Variants in OR2T33 observed in about 807,000 individuals in gnomAD.
OR2T33 encodes the protein olfactory receptor 2T33.
OR2T33 carries 10 observed loss-of-function variants against 14.0 expected under a neutral mutation model. That is an observed-to-expected ratio of 0.72 (90% confidence interval 0.44 to 1.22). The LOEUF is 1.22. Among genes scored for constraint, OR2T33 ranks in the 50% most tolerant of loss-of-function variants. The pLI is 0.00. For missense variants in OR2T33, 276 were observed against 405.9 expected, an observed-to-expected ratio of 0.68 and a Z score of 2.75; for synonymous variants, 103 against 159.4, an observed-to-expected ratio of 0.65 and a Z score of 2.66.
In OR2T33 at chr1:248,271,099, G is replaced by A. The variant is rs1251055176; in HGVS notation, c.*1753C>T. The A allele has an allele frequency of 6.6e-6, 1 of 152,078 alleles. No individual in the cohort carries two copies. Among genetic ancestry groups the A allele is most frequent in the Non-Finnish European group, 1.5e-5 (1 of 68,012 alleles). The allele number at this position is 152,078 out of a possible 1,614,324, so 9.4% of individuals were successfully genotyped here. On this transcript the variant is annotated 3_prime_UTR_variant, in exon 2 of 2. Coordinates refer to ENST00000641220, the MANE Select transcript of OR2T33 (RefSeq NM_001004695.2). ...ACATAAAGATACCACCACTAGAAGG[G>A]TTAAAATTAAAAATATTCAAATGCC...
At chr1:248,274,344 T>G in intron 1 of OR2T33, among the ~76,000 whole-genome samples, 1 of 152,178 alleles carries the variant, frequency 6.6e-6, no homozygotes, top group Admixed American at 6.5e-5. Flanking sequence ...AATATGTGAG[T>G]GTAAATAAAA....
rs1448581396 is a variant in OR2T33 at position 248,272,378 on chromosome 1, A to C, written c.*474T>G. On this transcript the variant is annotated 3_prime_UTR_variant, in exon 2 of 2. Transcript: ENST00000641220. Reference sequence around the variant, plus strand: ...GCATCTATATTTTAAAATATAACATAAAAATAATATTTTTCTTTGGTGGAG... The same window carrying C: ...GCATCTATATTTTAAAATATAACATCAAAATAATATTTTTCTTTGGTGGAG... 1 of 153,358 alleles carries C rather than the reference A, an allele frequency of 6.5e-6. No homozygotes were observed. Among genetic ancestry groups the C allele is most frequent in the Admixed American group, 6.5e-5 (1 of 15,472 alleles). 9.5% of individuals were successfully genotyped at this position (153,358 alleles called of 1,614,324 possible).
In OR2T33 at chr1:248,273,111, G is replaced by T. The variant is rs751414800; in HGVS notation, c.704C>A (p.Ala235Asp). 1.1e-5 allele frequency: 18 copies of T among 1,611,822 alleles called. No individual in the cohort carries two copies. Among genetic ancestry groups the T allele is most frequent in the East Asian group, 4.5e-5 (2 of 44,884 alleles). The change falls in exon 2 of 2, where the codon GCC (alanine) becomes GAC (aspartate). Residue 235 changes from alanine (A) to aspartate (D), a missense_variant. Coordinates refer to ENST00000641220, the MANE Select transcript of OR2T33 (RefSeq NM_001004695.2). ...HMRSTEARKKAFATCSSHVAV... is the reference protein window; with the variant it reads ...HMRSTEARKKDFATCSSHVAV... Reference sequence around the variant, plus strand: ...CACATGTGAAGAGCAGGTGGCAAAGGCCTTCTTGCGGGCTTCTGTAGAGCG... The same window carrying T: ...CACATGTGAAGAGCAGGTGGCAAAGTCCTTCTTGCGGGCTTCTGTAGAGCG...
intron 1 of OR2T33, among the ~76,000 whole-genome samples, chr1:248,274,129 C>T (rs1482683961): frequency 2.6e-5 from 4 of 151,966 alleles, no homozygotes; most frequent in Admixed American, 2.0e-4. Context: ...TTATATTACT[C>T]GTATTAATAT....
chr1:248,276,040 G>A (rs1659443114), intron 1 of OR2T33, among the ~76,000 whole-genome samples: 1 of 152,150 alleles, frequency 6.6e-6, no homozygotes, highest in Non-Finnish European at 1.5e-5. Context: ...GGGGGTTGTA[G>A]GAGAGGGGAT....
chr1:248,274,185 C>G (rs926929097), intron 1 of OR2T33, among the ~76,000 whole-genome samples: 9 of 152,120 alleles, frequency 5.9e-5, no homozygotes, highest in African/African-American at 1.7e-4. Context: ...GAAGGAAACA[C>G]TGACTTAAAA....
In OR2T33 at chr1:248,272,643, G is replaced by A. The variant is rs751378091; in HGVS notation, c.*209C>T. On this transcript the variant is annotated 3_prime_UTR_variant, in exon 2 of 2. Coordinates refer to ENST00000641220, the MANE Select transcript of OR2T33 (RefSeq NM_001004695.2). ...TCATGGGGTTGTTGTAGGATACAAA[G>A]TAATCCATAGATACTACTTCACTTG... is the stretch of plus-strand genomic sequence containing the variant. The A allele has an allele frequency of 1.5e-5, 9 of 613,818 alleles. No individual in the cohort carries two copies. In the African/African-American group the frequency reaches 1.5e-4, roughly 10 times the overall value. The allele number at this position is 613,818 out of a possible 1,614,324, so 38.0% of individuals were successfully genotyped here.
chr1:248,276,904 A>C (rs1659453709), intron 1 of OR2T33, among the ~76,000 whole-genome samples: 1 of 151,876 alleles, frequency 6.6e-6, no homozygotes, highest in Non-Finnish European at 1.5e-5. Flanking sequence ...GGCATTGTAA[A>C]TATACAGCTA....
chr1:248,273,836 G>A lies in OR2T33; in HGVS notation c.-8-14C>T, dbSNP rs1344845794. 7.5e-6 allele frequency: 12 copies of A among 1,589,540 alleles called. No individual in the cohort carries two copies. Among genetic ancestry groups the A allele is most frequent in the Non-Finnish European group, 1.0e-5 (12 of 1,167,596 alleles). On this transcript the variant is annotated splice_polypyrimidine_tract_variant and intron_variant, in intron 1 of 1. Coordinates refer to ENST00000641220, the MANE Select transcript of OR2T33 (RefSeq NM_001004695.2). The stretch of plus-strand genomic sequence containing the variant: ...CCATAATTTCCCCTGGTGTGATGGT[G>A]CAAATGGAAAAATAGAGAAGGAAGA...
chr1:248,276,406 T>G (rs543631436), intron 1 of OR2T33, among the ~76,000 whole-genome samples: 1 of 152,336 alleles, frequency 6.6e-6, no homozygotes, highest in East Asian at 1.9e-4. Flanking sequence ...TTTATTAGTT[T>G]AGTTCATTTT....
At position 248,270,169 on chromosome 1, in the gene OR2T33, AC is replaced by A. The variant is rs976757601; in HGVS notation, c.*2682del. The A allele has an allele frequency of 2.0e-4, 30 of 152,300 alleles. No individual in the cohort carries two copies. The highest frequency in any genetic ancestry group is 6.5e-4 in the African/African-American group (27 of 41,556). 9.4% of individuals were successfully genotyped at this position (152,300 alleles called of 1,614,324 possible). On this transcript the variant is annotated 3_prime_UTR_variant, in exon 2 of 2. Transcript: ENST00000641220. ...TCATTCTCAGCAAACTATCGCAAGG[AC>A]AAAAAACCAAACACAGCATGTTCTC...
In OR2T33 at chr1:248,271,090, A is replaced by G. The variant is rs1193649623; in HGVS notation, c.*1762T>C. ...TTTAAAATGACATAAAGATACCACC[A>G]CTAGAAGGGTTAAAATTAAAAATAT... On this transcript the variant is annotated 3_prime_UTR_variant, in exon 2 of 2. Coordinates refer to ENST00000641220, the MANE Select transcript of OR2T33 (RefSeq NM_001004695.2). The G allele has an allele frequency of 1.3e-5, 2 of 152,142 alleles. No individual in the cohort carries two copies. Among genetic ancestry groups the G allele is most frequent in the Admixed American group, 6.5e-5 (1 of 15,270 alleles). 9.4% of individuals were successfully genotyped at this position (152,142 alleles called of 1,614,324 possible). A position where few individuals can be genotyped will look rare whatever the true frequency, so the allele number is the denominator to read the frequency against.
Position 248,272,466 on chromosome 1 carries a change from T to C in OR2T33, c.*386A>G, listed in dbSNP as rs377188629. 1.6e-5 allele frequency: 3 copies of C among 181,882 alleles called. No individual in the cohort carries two copies. Among genetic ancestry groups the C allele is most frequent in the Admixed American group, 1.6e-4 (3 of 18,790 alleles). 11.3% of individuals were successfully genotyped at this position (181,882 alleles called of 1,614,324 possible). On this transcript the variant is annotated 3_prime_UTR_variant, in exon 2 of 2. Coordinates refer to ENST00000641220, the MANE Select transcript of OR2T33 (RefSeq NM_001004695.2). ...ATGAAATAACACTCAAAATACATTA[T>C]TGAACAGAAATAAACTATTCCAGGT... is the stretch of plus-strand genomic sequence containing the variant.
intron 1 of OR2T33, 135 bp from the exon 2 acceptor site, chr1:248,273,957 A>G: frequency 1.6e-6 from 2 of 1,241,240 alleles, no homozygotes; most frequent in East Asian, 2.4e-5. Context: ...CCTAACTCCC[A>G]GTGAGCATGG....
At position 248,273,440 on chromosome 1, in the gene OR2T33, G is replaced by T. The variant is rs1309157122; in HGVS notation, c.375C>A (p.Cys125Ter). The T allele has an allele frequency of 2.5e-6, 4 of 1,612,524 alleles. No individual in the cohort carries two copies. The highest frequency in any genetic ancestry group is 3.4e-6 in the Non-Finnish European group (4 of 1,179,944). Residue 125 changes from cysteine (C) to a stop codon, truncating the protein, a stop_gained, in exon 2 of 2, where the codon TGC becomes TGA. Coordinates refer to ENST00000641220, the MANE Select transcript of OR2T33 (RefSeq NM_001004695.2). LOFTEE classifies it high-confidence loss of function. ...AMAYDRYAAV[C>*]HPLRYPTLMS... ...TGAGAGTGGGATATCGGAGTGGGTG[G>T]CAGACAGCCGCATAGCGGTCATAGG... is the stretch of plus-strand genomic sequence containing the variant.
At chr1:248,274,871 G>T (rs368244220) in intron 1 of OR2T33, among the ~76,000 whole-genome samples, 91 of 152,132 alleles carry the variant, frequency 6.0e-4, no homozygotes, top group African/African-American at 2.1e-3. Context: ...TAACAAAATC[G>T]ATTTATTTTC....
In OR2T33 at chr1:248,272,396, T is replaced by C. The variant is rs768072420; in HGVS notation, c.*456A>G. ...ATAACATAAAAATAATATTTTTCTT[T>C]GGTGGAGTCCTCATATTTAGTTTTT... On this transcript the variant is annotated 3_prime_UTR_variant, in exon 2 of 2. Coordinates refer to ENST00000641220, the MANE Select transcript of OR2T33 (RefSeq NM_001004695.2). 1 of 153,644 alleles carries C rather than the reference T, an allele frequency of 6.5e-6. No individual in the cohort carries two copies. The highest frequency in any genetic ancestry group is 6.5e-5 in the Admixed American group (1 of 15,488). 9.5% of individuals were successfully genotyped at this position (153,644 alleles called of 1,614,324 possible).
chr1:248,272,631 G>A lies in OR2T33; in HGVS notation c.*221C>T, dbSNP rs1244199226. 4 of 565,420 alleles carry A rather than the reference G, an allele frequency of 7.1e-6. No homozygotes were observed. Among genetic ancestry groups the A allele is most frequent in the Non-Finnish European group, 1.2e-5 (4 of 333,162 alleles). 35.0% of individuals were successfully genotyped at this position (565,420 alleles called of 1,614,324 possible). On this transcript the variant is annotated 3_prime_UTR_variant, in exon 2 of 2. Coordinates refer to ENST00000641220, the MANE Select transcript of OR2T33 (RefSeq NM_001004695.2). The stretch of plus-strand genomic sequence containing the variant: ...ACAGTACTTATATCATGGGGTTGTT[G>A]TAGGATACAAAGTAATCCATAGATA...
chr1:248,276,483 G>T (rs1250016804), intron 1 of OR2T33, among the ~76,000 whole-genome samples: 2 of 151,968 alleles, frequency 1.3e-5, no homozygotes, highest in East Asian at 3.9e-4. Context: ...TTAGATTATT[G>T]AACTGAAGGC....
Sources: gnomAD v4.1 joint callset for allele counts (sites outside exome capture counted in the v4.1 genomes callset) on GRCh38, gnomAD v4.1.1 for gene constraint, MANE v1.5 for transcripts, NCBI Gene and HGNC (gene_info 2026-07-23, HGNC 2026-07-21) for gene names.